The following TLK2 variants were observed in gnomAD, a reference collection of about 807,000 sequenced individuals.
TLK2 encodes the protein serine/threonine-protein kinase tousled-like 2.
Under a neutral mutation model 117.3 loss-of-function variants are expected in TLK2, and 6 were observed. The observed-to-expected ratio is 0.05, with a 90% CI of 0.03 to 0.10. The LOEUF (loss-of-function observed/expected upper bound fraction) is 0.10. Ranked by LOEUF, TLK2 falls within the 10% of genes least tolerant of loss-of-function variation. TLK2 has a pLI of 1.00. For synonymous variants in TLK2, 257 were observed against 316.7 expected (o/e 0.81, Z 2.00); for missense variants, 299 against 901.2 (o/e 0.33, Z 8.56).
chr17:62,589,412 T>C (rs868025968), intron 16 of TLK2, among the ~76,000 whole-genome samples: 1 of 152,288 alleles, frequency 6.6e-6, no homozygotes, highest in Middle Eastern at 3.4e-3. Context: ...AAAAGACATT[T>C]TGGTGGATGA....
chr17:62,481,899 G>C (rs1288812183), intron 2 of TLK2, among the ~76,000 whole-genome samples: 2 of 151,992 alleles, frequency 1.3e-5, no homozygotes, highest in Admixed American at 1.3e-4. Flanking sequence ...AGCTTTATTG[G>C]TCCAAGATCA....
intron 2 of TLK2, among the ~76,000 whole-genome samples, chr17:62,515,932 C>G (rs962505751): frequency 6.6e-6 from 1 of 151,864 alleles, no homozygotes; most frequent in African/African-American, 2.4e-5. Context: ...TCCCTGTTTT[C>G]TTCTTCTTTT....
chr17:62,539,563 T>G (rs890788338), intron 7 of TLK2, among the ~76,000 whole-genome samples: 5 of 141,458 alleles, frequency 3.5e-5, no homozygotes, highest in African/African-American at 1.3e-4. Flanking sequence ...CACTCCAACC[T>G]CCATCTCCTG....
At chr17:62,570,086 G>A (rs1341917362) in intron 11 of TLK2, among the ~76,000 whole-genome samples, 1 of 152,000 alleles carries the variant, frequency 6.6e-6, no homozygotes, top group Non-Finnish European at 1.5e-5. Context: ...TAAGGATACC[G>A]GTCATATTGG....
chr17:62,605,087 G>A (rs980507371), intron 19 of TLK2, among the ~76,000 whole-genome samples: 7 of 151,934 alleles, frequency 4.6e-5, no homozygotes, highest in East Asian at 2.0e-4. Context: ...CAGCACTTTG[G>A]GAGGCTGAGG....
At chr17:62,472,466 C>T (rs1157202788) in intron 1 of TLK2, among the ~76,000 whole-genome samples, 15 of 151,450 alleles carry the variant, frequency 9.9e-5, no homozygotes, top group Admixed American at 3.9e-4. Flanking sequence ...TGGCCGGGCA[C>T]GGTGGCTCAT....
At chr17:62,482,681 A>G (rs540985718) in intron 2 of TLK2, among the ~76,000 whole-genome samples, 2 of 151,674 alleles carry the variant, frequency 1.3e-5, no homozygotes, top group East Asian at 3.9e-4. Flanking sequence ...CGAACTCCTG[A>G]CCTCCAGTGA....
chr17:62,524,189 A>G (rs2076228162), intron 5 of TLK2, 47 bp from the exon 6 acceptor site: 7 of 1,605,130 alleles, frequency 4.4e-6, no homozygotes, highest in Non-Finnish European at 6.0e-6. Context: ...TATCTGAAGC[A>G]TAGTACTGTT....
intron 2 of TLK2, among the ~76,000 whole-genome samples, chr17:62,486,617 G>C (rs2072423794): frequency 6.6e-6 from 1 of 152,192 alleles, no homozygotes; most frequent in Non-Finnish European, 1.5e-5. Flanking sequence ...AGTACAGATA[G>C]TCTCAGCAGT....
chr17:62,549,348 G>A (rs1292900993), intron 7 of TLK2, among the ~76,000 whole-genome samples: 1 of 118,020 alleles, frequency 8.5e-6, no homozygotes, highest in Non-Finnish European at 1.6e-5. Context: ...GCAGTGAGAC[G>A]AGATCGTGCC....
chr17:62,609,364 T>C (rs1226040676), intron 21 of TLK2, among the ~76,000 whole-genome samples: 3 of 152,208 alleles, frequency 2.0e-5, no homozygotes, highest in Non-Finnish European at 4.4e-5. Context: ...ATTATAGGTA[T>C]GAGCCACTGT....
chr17:62,478,478 C>G (rs929570697), upstream of TLK2, among the ~76,000 whole-genome samples: 3 of 150,152 alleles, frequency 2.0e-5, no homozygotes, highest in African/African-American at 7.3e-5. Flanking sequence ...GCGGGTCCTC[C>G]GGGCCTCCGG....
At chr17:62,596,986 T>C (rs2082525915) in intron 17 of TLK2, among the ~76,000 whole-genome samples, 1 of 151,746 alleles carries the variant, frequency 6.6e-6, no homozygotes, top group African/African-American at 2.4e-5. Context: ...TACCACCTGT[T>C]TATTTTTGTT....
intron 6 of TLK2, among the ~76,000 whole-genome samples, chr17:62,535,960 T>C (rs2077085702): frequency 6.6e-6 from 1 of 152,160 alleles, no homozygotes; most frequent in Admixed American, 6.5e-5. Context: ...TAAAATATAA[T>C]GTCAAAGAAT....
At chr17:62,596,522 C>A in intron 16 of TLK2, 63 bp from the exon 17 acceptor site, 1 of 1,206,278 alleles carries the variant, frequency 8.3e-7, no homozygotes, top group Non-Finnish European at 1.2e-6. Context: ...TTAGGAGGAT[C>A]TTTGAAGAGT....
At chr17:62,581,672 C>T (rs1219202531) in intron 15 of TLK2, among the ~76,000 whole-genome samples, 1 of 151,920 alleles carries the variant, frequency 6.6e-6, no homozygotes, top group Admixed American at 6.6e-5. Context: ...AACTCTTGGG[C>T]TCAAGTGATC....
At chr17:62,532,355 A>G (rs2076800943) in intron 6 of TLK2, among the ~76,000 whole-genome samples, 1 of 152,162 alleles carries the variant, frequency 6.6e-6, no homozygotes. Context: ...AGAAGGTTTA[A>G]TTTTACTGTT....
At chr17:62,484,457 C>T (rs1283229440) in intron 2 of TLK2, among the ~76,000 whole-genome samples, 3 of 151,662 alleles carry the variant, frequency 2.0e-5, no homozygotes, top group East Asian at 2.0e-4. Flanking sequence ...CCACCATACC[C>T]GGCTAATTTT....
intron 11 of TLK2, among the ~76,000 whole-genome samples, chr17:62,572,117 C>T (rs1228252804): frequency 6.7e-6 from 1 of 149,928 alleles, no homozygotes; most frequent in Non-Finnish European, 1.5e-5. Context: ...TTGCAGTGAG[C>T]TGAGAGCTGA....
Sources: gnomAD v4.1 joint callset for allele counts (sites outside exome capture counted in the v4.1 genomes callset) on GRCh38, gnomAD v4.1.1 for gene constraint, MANE v1.5 for transcripts, NCBI Gene and HGNC (gene_info 2026-07-23, HGNC 2026-07-21) for gene names.